ARHGEF7: variants seen among roughly 807,000 people sequenced by gnomAD.
The protein encoded by ARHGEF7 is PAK-interacting exchange factor beta.
A neutral mutation model predicts 109.8 loss-of-function variants in ARHGEF7; 33 were observed. The ratio of observed to expected loss-of-function variants is 0.30; its 90% CI spans 0.23 to 0.40. ARHGEF7 has a LOEUF of 0.40. ARHGEF7 is among the 10% of genes least tolerant of loss of function. The probability of loss-of-function intolerance (pLI) is 1.00; values close to 1 mark genes in which losing one functional copy is unlikely to be tolerated. For synonymous variants in ARHGEF7, 458 were observed against 424.6 expected, an observed-to-expected ratio of 1.08 and a Z score of -0.97; for missense variants, 938 against 1,098.5, an observed-to-expected ratio of 0.85 and a Z score of 2.07.
chr13:111,135,780 C>G (rs909040366), intron 1 of ARHGEF7, among the ~76,000 whole-genome samples: 19 of 152,086 alleles, frequency 1.2e-4, no homozygotes, highest in Admixed American at 2.0e-4. Flanking sequence ...AATTGAATAC[C>G]CTTTATTTCT....
intron 1 of ARHGEF7, among the ~76,000 whole-genome samples, chr13:111,139,595 T>C (rs543735164): frequency 0.015 from 1,839 of 123,096 alleles, 20 homozygotes; most frequent in Middle Eastern, 0.031. Context: ...CGGGTGCCTG[T>C]GTGGAGCACT....
At chr13:111,267,802 T>G (rs759715275) in intron 9 of ARHGEF7, 132 bp downstream of exon 9, 3 of 1,151,862 alleles carry the variant, frequency 2.6e-6, no homozygotes, top group Non-Finnish European at 3.6e-6. Context: ...CCCTCAAAAT[T>G]AGTGCTTGAG....
At chr13:111,199,369 G>A (rs2080948476) in intron 2 of ARHGEF7, among the ~76,000 whole-genome samples, 1 of 152,172 alleles carries the variant, frequency 6.6e-6, no homozygotes, top group Admixed American at 6.5e-5. Context: ...TTTTATTTTA[G>A]AATAATACTC....
chr13:111,140,124 G>A (rs2075281024), intron 1 of ARHGEF7, among the ~76,000 whole-genome samples: 1 of 152,178 alleles, frequency 6.6e-6, no homozygotes, highest in African/African-American at 2.4e-5. Context: ...ATTTATTAGA[G>A]TGTCACAGGC....
chr13:111,277,841 T>C (rs1215888684), intron 13 of ARHGEF7, among the ~76,000 whole-genome samples, 168 bp downstream of exon 13: 1 of 152,224 alleles, frequency 6.6e-6, no homozygotes, highest in African/African-American at 2.4e-5. Flanking sequence ...TCGTTGTGAC[T>C]GCAAGCATAT....
At chr13:111,185,443 C>T (rs1008539487) in intron 2 of ARHGEF7, among the ~76,000 whole-genome samples, 1 of 152,180 alleles carries the variant, frequency 6.6e-6, no homozygotes, top group Non-Finnish European at 1.5e-5. Flanking sequence ...TTCTTTCTCT[C>T]ATTTCGGTGG....
At chr13:111,146,057 G>A (rs1200109733) in intron 1 of ARHGEF7, among the ~76,000 whole-genome samples, 1 of 152,174 alleles carries the variant, frequency 6.6e-6, no homozygotes, top group African/African-American at 2.4e-5. Context: ...GAGATGAGAT[G>A]TGCACAAGTA....
intron 8 of ARHGEF7, among the ~76,000 whole-genome samples, chr13:111,251,673 G>A (rs1382738559): frequency 6.6e-6 from 1 of 152,236 alleles, no homozygotes; most frequent in Non-Finnish European, 1.5e-5. Context: ...TAGCAAGTCT[G>A]TTTTTGCTTA....
chr13:111,218,403 A>G (rs2083399713), intron 5 of ARHGEF7, among the ~76,000 whole-genome samples: 1 of 152,132 alleles, frequency 6.6e-6, no homozygotes, highest in Non-Finnish European at 1.5e-5. Context: ...CTTATGAAAG[A>G]ATAGTGATCC....
At chr13:111,223,354 A>T (rs1456104684) in intron 5 of ARHGEF7, among the ~76,000 whole-genome samples, 1 of 152,210 alleles carries the variant, frequency 6.6e-6, no homozygotes, top group Non-Finnish European at 1.5e-5. Flanking sequence ...TCATGTTAGG[A>T]TCATTTCTTT....
intron 2 of ARHGEF7, among the ~76,000 whole-genome samples, chr13:111,184,534 G>C (rs1428979441): frequency 1.3e-5 from 2 of 152,156 alleles, no homozygotes; most frequent in African/African-American, 4.8e-5. Flanking sequence ...ATGGTTCCCA[G>C]CCCTGAAACC....
At chr13:111,299,398 A>G (rs2093506590) in intron 19 of ARHGEF7, among the ~76,000 whole-genome samples, 1 of 134,842 alleles carries the variant, frequency 7.4e-6, no homozygotes, top group South Asian at 2.3e-4. Flanking sequence ...GCTGGAGTGC[A>G]GTGGTGCAAT....
At chr13:111,138,304 ACT>A (rs980956173) in intron 1 of ARHGEF7, among the ~76,000 whole-genome samples, 12 of 151,542 alleles carry the variant, frequency 7.9e-5, no homozygotes, top group African/African-American at 2.9e-4. Context: ...CAAGAGCGAA[ACT>A]CTGTCTCAAA....
chr13:111,240,028 T>G (rs1413907955), intron 6 of ARHGEF7, among the ~76,000 whole-genome samples: 1 of 152,178 alleles, frequency 6.6e-6, no homozygotes, highest in Non-Finnish European at 1.5e-5. Flanking sequence ...CTGGCACTCT[T>G]GAGTAACCAT....
chr13:111,162,463 G>C (rs2076819492), intron 2 of ARHGEF7, among the ~76,000 whole-genome samples: 1 of 152,304 alleles, frequency 6.6e-6, no homozygotes, highest in East Asian at 1.9e-4. Flanking sequence ...GGACATTCTT[G>C]GGCCACTCTG....
rs149180181 is a variant in ARHGEF7 at position 111,266,917 on chromosome 13, A to C, written c.951-631A>C. 2.9e-5 allele frequency: 13 copies of C among 456,014 alleles called. No homozygotes were observed. The highest frequency in any genetic ancestry group is 2.0e-4 in the South Asian group (13 of 64,562). 28.2% of individuals were successfully genotyped at this position (456,014 alleles called of 1,614,324 possible). On this transcript the variant is annotated intron_variant, in intron 8 of 21. Transcript: ENST00000646102. The surrounding 1 kb of genome is among the most constrained non-coding windows in gnomAD (Gnocchi z 4.8). ...GCGTGTACCCCGTTAGGCACACCCA[A>C]CACTGAGGCGGCACCACCAGGGGCC...
At chr13:111,298,965 G>A (rs976984592) in intron 19 of ARHGEF7, among the ~76,000 whole-genome samples, 2 of 152,184 alleles carry the variant, frequency 1.3e-5, no homozygotes, top group Non-Finnish European at 2.9e-5. Flanking sequence ...TTCCATTATC[G>A]GTGTGGCAAG....
intron 1 of ARHGEF7, among the ~76,000 whole-genome samples, chr13:111,115,893 G>A (rs2066715112): frequency 1.3e-5 from 2 of 150,568 alleles, no homozygotes; most frequent in South Asian, 4.2e-4. Context: ...GAGGGGGCCG[G>A]GGAGCGGGGT....
intron 1 of ARHGEF7, among the ~76,000 whole-genome samples, chr13:111,121,473 C>G (rs1030511360): frequency 6.6e-6 from 1 of 152,374 alleles, no homozygotes; most frequent in African/African-American, 2.4e-5. Flanking sequence ...CCACTGATCA[C>G]TCTAAAATGT....
Sources: gnomAD v4.1 joint callset for allele counts (sites outside exome capture counted in the v4.1 genomes callset) on GRCh38, gnomAD v4.1.1 for gene constraint, Gnocchi (gnomAD v3.1) non-coding constraint, MANE v1.5 for transcripts, NCBI Gene and HGNC (gene_info 2026-07-23, HGNC 2026-07-21) for gene names.